Variants in CRYAB observed in about 807,000 individuals in gnomAD.
CRYAB encodes alpha-crystallin B chain.
A neutral mutation model predicts 12.7 loss-of-function variants in CRYAB; 9 were observed. The ratio of observed to expected loss-of-function variants is 0.71; its 90% CI spans 0.43 to 1.24. CRYAB has a LOEUF of 1.24. Among genes scored for constraint, CRYAB ranks in the 50% most tolerant of loss-of-function variants. The pLI is 0.00. For missense variants in CRYAB, 183 were observed against 226.6 expected, an observed-to-expected ratio of 0.81 and a Z score of 1.24; for synonymous variants, 93 against 86.8, an observed-to-expected ratio of 1.07 and a Z score of -0.40.
At chr11:111,910,087 C>T (rs576450613) in intron 2 of CRYAB, 57 of 662,242 alleles carry the variant, frequency 8.6e-5, no homozygotes, top group Non-Finnish European at 1.2e-4. Context: ...AATGGGGCAT[C>T]AGCATCCCAT....
chr11:111,910,458 A>C lies in CRYAB; in HGVS notation c.202-9T>G. On this transcript the variant is annotated splice_polypyrimidine_tract_variant and intron_variant, in intron 1 of 2. Transcript: ENST00000650687. ...TCCTTCTCCAGGCGCATCTAGAAAT[A>C]GCAAGGTAAGGGAATGGGATGGGAG... 1 of 1,614,226 alleles carries C rather than the reference A, an allele frequency of 6.2e-7. No homozygotes were observed. Among genetic ancestry groups the C allele is most frequent in the Non-Finnish European group, 8.5e-7 (1 of 1,180,040 alleles).
At chr11:111,913,826 C>G (rs1050526), upstream of CRYAB, 1 of 1,613,978 alleles carries the variant, frequency 6.2e-7, no homozygotes, top group African/African-American at 1.3e-5. Context: ...TCAATGAGGT[C>G]TACATCTCCC....
At chr11:111,918,752 A>G (rs1555166271) in intron 1 of CRYAB, 2 of 683,028 alleles carry the variant, frequency 2.9e-6, no homozygotes, top group Admixed American at 4.0e-5. Context: ...AAGTTGAGAT[A>G]GCTCTCACCT....
At chr11:111,913,027 T>C (rs1328077160), upstream of CRYAB, 3 of 805,686 alleles carry the variant, frequency 3.7e-6, no homozygotes, top group Admixed American at 4.5e-5. Flanking sequence ...GCTTAACTGA[T>C]CTCCTGGGAC....
At chr11:111,912,869 G>T (rs1555165760), upstream of CRYAB, 19 of 1,609,212 alleles carry the variant, frequency 1.2e-5, no homozygotes, top group Non-Finnish European at 1.5e-5. Context: ...CCCGGCCACC[G>T]CCGAGTACGA....
intron 1 of CRYAB, chr11:111,919,408 G>A (rs1965651782): frequency 5.0e-6 from 1 of 200,666 alleles, no homozygotes; most frequent in Non-Finnish European, 1.0e-5. Flanking sequence ...GGAAGGCGGA[G>A]GTTGCAGTGA....
At chr11:111,917,833 T>C (rs1034166046), upstream of CRYAB, among the ~76,000 whole-genome samples, 8 of 152,238 alleles carry the variant, frequency 5.3e-5, no homozygotes, top group East Asian at 1.5e-3. Context: ...ATTGAGACCC[T>C]GTCTTTAAAA....
upstream of CRYAB, chr11:111,914,112 T>C: frequency 1.9e-6 from 1 of 518,550 alleles, no homozygotes; most frequent in Non-Finnish European, 3.4e-6. Context: ...TACTGCTCCC[T>C]ATTCTGTGGC....
intron 1 of CRYAB, among the ~76,000 whole-genome samples, chr11:111,923,137 GA>G (rs1221468949): frequency 1.3e-5 from 2 of 152,216 alleles, no homozygotes; most frequent in African/African-American, 2.4e-5. Context: ...AAGTGGCAAA[GA>G]ATTAGAAGAT....
chr11:111,914,124 G>A (rs1463954269), upstream of CRYAB: 20 of 490,454 alleles, frequency 4.1e-5, no homozygotes, highest in South Asian at 1.8e-4. Flanking sequence ...TTCTGTGGCC[G>A]GGAAGCTGGG....
At chr11:111,913,585 T>C (rs587698938), upstream of CRYAB, 5 of 1,613,892 alleles carry the variant, frequency 3.1e-6, no homozygotes, top group Admixed American at 8.3e-5. Flanking sequence ...TTTCTGGATG[T>C]GAGCCACTTT....
At chr11:111,913,763 T>C, upstream of CRYAB, 3 of 1,614,174 alleles carry the variant, frequency 1.9e-6, no homozygotes, top group Non-Finnish European at 2.5e-6. Flanking sequence ...TCTCCCATGA[T>C]GGCATCTTAA....
intron 1 of CRYAB, among the ~76,000 whole-genome samples, chr11:111,922,773 A>G (rs2137401811): frequency 6.6e-6 from 1 of 152,308 alleles, no homozygotes. Context: ...ATATTTGTAC[A>G]TGTATAATTA....
chr11:111,918,905 A>G, intron 1 of CRYAB: 3 of 1,594,964 alleles, frequency 1.9e-6, no homozygotes, highest in Non-Finnish European at 2.6e-6. Context: ...AAGCTCAACC[A>G]GGAACCCGGA....
intron 1 of CRYAB, among the ~76,000 whole-genome samples, chr11:111,920,139 G>A (rs1555166398): frequency 6.6e-6 from 1 of 152,084 alleles, no homozygotes; most frequent in Non-Finnish European, 1.5e-5. Flanking sequence ...AGCTTGCAGT[G>A]AGCCGAGATT....
intron 2 of CRYAB, 23 bp from the exon 3 acceptor site, chr11:111,908,990 G>A (rs782714769): frequency 6.2e-7 from 1 of 1,613,164 alleles, no homozygotes; most frequent in Non-Finnish European, 8.5e-7. Flanking sequence ...AATGAGGAAA[G>A]AGGCAGAGAG....
Position 111,919,015 on chromosome 11 carries a change from T to C in CRYAB, c.-199+4688A>G, listed in dbSNP as rs1555166303. ...CTGCGGAGGAAGCTGGTGAGTAGGC[T>C]GGAAGGGCAAAGGGGAACATCTATC... On this transcript the variant is annotated intron_variant, in intron 1 of 3. Coordinates refer to the CRYAB transcript ENST00000527950. 4 of 1,614,030 alleles carry C rather than the reference T, an allele frequency of 2.5e-6. No individual in the cohort carries two copies. The African/African-American group carries it at 4.0e-5, about 16-fold the overall frequency.
chr11:111,914,978 G>T (rs1459137394), upstream of CRYAB, among the ~76,000 whole-genome samples: 1 of 152,206 alleles, frequency 6.6e-6, no homozygotes, highest in Non-Finnish European at 1.5e-5. Flanking sequence ...GGGAGGCTGA[G>T]GTGGGAGGAT....
At chr11:111,915,849 C>T (rs892416949), upstream of CRYAB, among the ~76,000 whole-genome samples, 14 of 152,162 alleles carry the variant, frequency 9.2e-5, no homozygotes, top group Admixed American at 3.3e-4. Context: ...CTCAAGCAAT[C>T]CTCCTGCCTC....
Sources: gnomAD v4.1 joint callset for allele counts (sites outside exome capture counted in the v4.1 genomes callset) on GRCh38, gnomAD v4.1.1 for gene constraint, MANE v1.5 for transcripts, NCBI Gene and HGNC (gene_info 2026-07-23, HGNC 2026-07-21) for gene names.